ESCO2: variants seen among roughly 807,000 people sequenced by gnomAD.
ESCO2 encodes N-acetyltransferase ESCO2.
In ESCO2, 51 loss-of-function variants were observed where a neutral mutation model predicts 61.7. The observed-to-expected ratio is 0.83, with a 90% CI of 0.66 to 1.04. The LOEUF is 1.04. ESCO2 is among the 50% of genes least tolerant of loss of function. The pLI, the probability that ESCO2 is intolerant of heterozygous loss-of-function variation, is 0.00. For missense variants in ESCO2, 692 were observed against 686.2 expected (o/e 1.01, Z -0.09); for synonymous variants, 230 against 238.2 (o/e 0.97, Z 0.32).
chr8:27,792,712 G>A lies in ESCO2; in HGVS notation c.1398G>A (p.Gln466=), dbSNP rs1343513307. The A allele has an allele frequency of 3.1e-6, 5 of 1,612,504 alleles. No individual in the cohort carries two copies. Among genetic ancestry groups the A allele is most frequent in the Non-Finnish European group, 4.2e-6 (5 of 1,179,594 alleles). Residue 466 remains glutamine (Q), a synonymous_variant, in exon 9 of 11, where the codon CAG becomes CAA. Transcript: ENST00000305188. ...TTGTTGATAATGAATTGGGCTTCCA[G>A]CAAGTTGTTCCTAAATGTCCAAACA... The part of the protein sequence containing the change: ...QELVDNELGF[Q]QVVPKCPNKI...
intron 3 of ESCO2, chr8:27,777,972 A>G (rs1318084031): frequency 6.6e-6 from 1 of 152,220 alleles, no homozygotes; most frequent in African/African-American, 2.4e-5. Flanking sequence ...GTAATCACCT[A>G]AATTTCAAAC....
upstream of ESCO2, chr8:27,774,262 C>T (rs1373974146): frequency 6.6e-6 from 1 of 152,000 alleles, no homozygotes; most frequent in African/African-American, 2.4e-5. Context: ...ACCCCGTGAC[C>T]CCAGAATGTA....
In ESCO2 at chr8:27,799,552, C is replaced by T. The variant is rs1266138155; in HGVS notation, c.1509C>T (p.Val503=). 1.2e-6 allele frequency: 2 copies of T among 1,613,636 alleles called. No individual in the cohort carries two copies. Among genetic ancestry groups the T allele is most frequent in the Non-Finnish European group, 1.7e-6 (2 of 1,179,970 alleles). The change falls in exon 10 of 11, where the codon GTC becomes GTT. Residue 503 remains valine (V), a synonymous_variant. Transcript: ENST00000305188. ...GTATATCATTGCAGGCATTTCGTGT[C>T]CTGTCTGAACCAATTGGTCCAGAAT... is the stretch of plus-strand genomic sequence containing the variant. ...IAEPIKQAFR[V]LSEPIGPESP...
intron 1 of ESCO2, among the ~76,000 whole-genome samples, chr8:27,775,142 G>A (rs557431875): frequency 3.9e-5 from 6 of 152,352 alleles, no homozygotes; most frequent in Non-Finnish European, 8.8e-5. Context: ...TATAAAAAGG[G>A]AAGCAAACGG....
At chr8:27,812,190 C>T (rs187958146), downstream of ESCO2, 2 of 152,216 alleles carry the variant, frequency 1.3e-5, no homozygotes, top group Admixed American at 1.3e-4. Context: ...TTGTAGACAG[C>T]CTTTTTCAAG....
chr8:27,773,979 A>G (rs79040830), upstream of ESCO2, among the ~76,000 whole-genome samples: 19 of 152,356 alleles, frequency 1.2e-4, no homozygotes, highest in East Asian at 2.5e-3. Context: ...TGCCTTACAG[A>G]TTGTGGTAAG....
downstream of ESCO2, among the ~76,000 whole-genome samples, chr8:27,817,383 T>G (rs1004602669): frequency 6.6e-6 from 1 of 152,166 alleles, no homozygotes; most frequent in Non-Finnish European, 1.5e-5. Flanking sequence ...AAGTCATTTC[T>G]TCTGGTAGAA....
At chr8:27,802,142 T>C (rs543092619) in intron 10 of ESCO2, among the ~76,000 whole-genome samples, 1 of 107,536 alleles carries the variant, frequency 9.3e-6, no homozygotes, top group South Asian at 3.4e-4. Context: ...TGATTAATTC[T>C]TTTTTTTTTT....
upstream of ESCO2, chr8:27,772,137 G>A (rs1804643036): frequency 3.4e-6 from 1 of 293,460 alleles, no homozygotes. Context: ...ATAATTACAA[G>A]GGTTCAGCCA....
At position 27,803,361 on chromosome 8, in the gene ESCO2, C is replaced by G. The variant is rs752829386; in HGVS notation, c.1729C>G (p.Pro577Ala). ...LSTDEIAFSD[P>A]TPDGKLFATK... ...CACTGATGAAATAGCATTTTCTGACCCAACACCAGATGGCAAGTTATTTGC... is the reference window on the plus strand; with the variant it reads ...CACTGATGAAATAGCATTTTCTGACGCAACACCAGATGGCAAGTTATTTGC... The change falls in exon 11 of 11, where the codon CCA (proline) becomes GCA (alanine). Residue 577 changes from proline (P) to alanine (A), a missense_variant. Pro to Ala is a conservative substitution (Grantham distance 27, BLOSUM62 -1). Coordinates refer to ENST00000305188, the MANE Select transcript of ESCO2 (RefSeq NM_001017420.3). 1 of 1,613,836 alleles carries G rather than the reference C, an allele frequency of 6.2e-7. No individual in the cohort carries two copies. Among genetic ancestry groups the G allele is most frequent in the South Asian group, 1.1e-5 (1 of 91,060 alleles).
Position 27,804,115 on chromosome 8 carries a change from A to T in ESCO2, c.*677A>T. 1 of 985,318 alleles carries T rather than the reference A, an allele frequency of 1.0e-6. No homozygotes were observed. The highest frequency in any genetic ancestry group is 1.1e-4 in the East Asian group (1 of 8,812). The allele number at this position is 985,318 out of a possible 1,614,324, so 61.0% of individuals were successfully genotyped here. On this transcript the variant is annotated 3_prime_UTR_variant, in exon 11 of 11. Coordinates refer to ENST00000305188, the MANE Select transcript of ESCO2 (RefSeq NM_001017420.3). ...TTGAATATCTTTAGAAAATGTTTAGAATTTATTTGTAACAAGATGGTAAGG... is the reference window on the plus strand; with the variant it reads ...TTGAATATCTTTAGAAAATGTTTAGTATTTATTTGTAACAAGATGGTAAGG...
At chr8:27,788,443 T>TA (rs986803530) in intron 6 of ESCO2, among the ~76,000 whole-genome samples, 1 of 152,130 alleles carries the variant, frequency 6.6e-6, no homozygotes. Flanking sequence ...CTTGTAAAAA[T>TA]AAAAAAATCT....
At position 27,804,542 on chromosome 8, in the gene ESCO2, A is replaced by G. The variant is rs975760260; in HGVS notation, c.*1104A>G. On this transcript the variant is annotated 3_prime_UTR_variant, in exon 11 of 11. Transcript: ENST00000305188. Reference sequence around the variant, plus strand: ...CACTTAAATGTTCACACATTTTTCTAGTGTAATTCTTGGATACTTTAAAAA... The same window carrying G: ...CACTTAAATGTTCACACATTTTTCTGGTGTAATTCTTGGATACTTTAAAAA... 9.1e-6 allele frequency: 9 copies of G among 985,302 alleles called. No homozygotes were observed. The highest frequency in any genetic ancestry group is 1.1e-5 in the Non-Finnish European group (9 of 829,920). The allele number at this position is 985,302 out of a possible 1,614,324, so 61.0% of individuals were successfully genotyped here. A position where few individuals can be genotyped will look rare whatever the true frequency, so the allele number is the denominator to read the frequency against.
At chr8:27,788,754 T>C in intron 6 of ESCO2, 93 bp from the exon 7 acceptor site, 2 of 1,521,736 alleles carry the variant, frequency 1.3e-6, no homozygotes, top group East Asian at 2.3e-5. Flanking sequence ...AAAAAAAAAT[T>C]AGGTGAAATT....
At chr8:27,819,658 G>A in the ESCO2 span, among the ~76,000 whole-genome samples, 2 of 151,968 alleles carry the variant, frequency 1.3e-5, no homozygotes, top group Non-Finnish European at 2.9e-5. Context: ...TGGTGCAGAG[G>A]TACTTGCCTT....
intron 10 of ESCO2, 69 bp from the exon 11 acceptor site, chr8:27,803,237 A>C (rs2092136766): frequency 7.1e-7 from 1 of 1,402,916 alleles, no homozygotes; most frequent in Admixed American, 1.7e-5. Flanking sequence ...GTATTTACTT[A>C]AATTGTGCTC....
intron 5 of ESCO2, among the ~76,000 whole-genome samples, chr8:27,787,438 G>T (rs1805071469): frequency 6.6e-6 from 1 of 151,570 alleles, no homozygotes; most frequent in Non-Finnish European, 1.5e-5. Flanking sequence ...ATATGATGGT[G>T]ACTCTGATTT....
chr8:27,818,134 A>G, the ESCO2 span, among the ~76,000 whole-genome samples: 5 of 152,218 alleles, frequency 3.3e-5, no homozygotes, highest in African/African-American at 1.2e-4. Context: ...AGAATGACAC[A>G]GAACAAGGTG....
At position 27,801,898 on chromosome 8, in the gene ESCO2, T is replaced by C. The variant is rs116666693; in HGVS notation, c.1674-1408T>C. On this transcript the variant is annotated intron_variant, in intron 10 of 10. Coordinates refer to ENST00000305188, the MANE Select transcript of ESCO2 (RefSeq NM_001017420.3). The stretch of plus-strand genomic sequence containing the variant: ...CAGTTATCAAATTTGGGAAATTTAA[T>C]ATTGATGTAATGCTTTTATTTGACA... 4.3e-3 allele frequency among the ~76,000 whole-genome samples: 660 copies of C among 151,936 alleles called. 5 individuals are homozygous for C. Among genetic ancestry groups the C allele is most frequent in the African/African-American group, 0.014 (598 of 41,478 alleles).
Sources: gnomAD v4.1 joint callset for allele counts (sites outside exome capture counted in the v4.1 genomes callset) on GRCh38, gnomAD v4.1.1 for gene constraint, MANE v1.5 for transcripts, NCBI Gene and HGNC (gene_info 2026-07-23, HGNC 2026-07-21) for gene names.